Variants in OXTR observed in about 807,000 individuals in gnomAD.
The protein encoded by OXTR is oxytocin receptor.
Under a neutral mutation model 23.9 loss-of-function variants are expected in OXTR, and 19 were observed. That is an observed-to-expected ratio of 0.80 (90% confidence interval 0.56 to 1.17). OXTR has a LOEUF of 1.17. Ranked by LOEUF, OXTR falls within the 50% of genes most tolerant of loss-of-function variation. The pLI, the probability that OXTR is intolerant of heterozygous loss-of-function variation, is 0.00. For missense variants in OXTR, 500 were observed against 550.7 expected, an observed-to-expected ratio of 0.91 and a Z score of 0.92; for synonymous variants, 278 against 250.5, an observed-to-expected ratio of 1.11 and a Z score of -1.04.
At chr3:8,762,183 G>A (rs1041032019) in intron 3 of OXTR, among the ~76,000 whole-genome samples, 2 of 152,096 alleles carry the variant, frequency 1.3e-5, no homozygotes, top group African/African-American at 4.8e-5. Flanking sequence ...CTCCTGATCC[G>A]AGGCCCTCCA....
In OXTR at chr3:8,769,608, C is replaced by A. The variant is rs2125009810; in HGVS notation, c.-616G>T. 6.6e-6 allele frequency: 1 copy of A among 152,384 alleles called. No homozygotes were observed. 9.4% of individuals were successfully genotyped at this position (152,384 alleles called of 1,614,324 possible). On this transcript the variant is annotated 5_prime_UTR_variant, in exon 1 of 4. The change creates a new upstream start codon in the 5' untranslated region. Transcript: ENST00000316793. The stretch of plus-strand genomic sequence containing the variant: ...GTTCGCCCAGCGTTGGTCCCAGAGC[C>A]TTAACAAATGGGTTTATTTTGCAGT...
chr3:8,752,760 A>AG lies in OXTR; in HGVS notation c.*216dup. ...GCAGCAGTGGGTTCAGGGTGGTAGA[A>AG]GTACGTGTAGGAGGCCAGGGTGTTG... is the stretch of plus-strand genomic sequence containing the variant. On this transcript the variant is annotated 3_prime_UTR_variant, in exon 4 of 4. Transcript: ENST00000316793. 1 of 570,132 alleles carries AG rather than the reference A, an allele frequency of 1.8e-6. No homozygotes were observed. Among genetic ancestry groups the AG allele is most frequent in the African/African-American group, 1.9e-5 (1 of 53,576 alleles). 35.3% of individuals were successfully genotyped at this position (570,132 alleles called of 1,614,324 possible). A position where few individuals can be genotyped will look rare whatever the true frequency, so the allele number is the denominator to read the frequency against.
Position 8,759,891 on chromosome 3 carries a change from A to C in OXTR, c.923-6667T>G, listed in dbSNP as rs865787778. 7.2e-5 allele frequency among the ~76,000 whole-genome samples: 11 copies of C among 152,266 alleles called. No homozygotes were observed. In the Middle Eastern group the frequency reaches 0.01, roughly 141 times the overall value. ...CTGGGACACTGGACACCACCTGGTT[A>C]CACCTCTCTCCCACCCATACCTTAG... On this transcript the variant is annotated intron_variant, in intron 3 of 3. Coordinates refer to ENST00000316793, the MANE Select transcript of OXTR (RefSeq NM_000916.4).
intron 3 of OXTR, among the ~76,000 whole-genome samples, chr3:8,753,470 C>G (rs1708312706): frequency 6.6e-6 from 1 of 152,226 alleles, no homozygotes; most frequent in Non-Finnish European, 1.5e-5. Context: ...GGAACTGTCT[C>G]TGCCTTTCTC....
chr3:8,753,184 G>T lies in OXTR; in HGVS notation c.963C>A (p.Asn321Lys), dbSNP rs140488139. The change falls in exon 4 of 4, where the codon AAC (asparagine) becomes AAA (lysine). Residue 321 changes from asparagine (N) to lysine (K), a missense_variant. Asn to Lys is a moderately conservative substitution (Grantham distance 94). Coordinates refer to ENST00000316793, the MANE Select transcript of OXTR (RefSeq NM_000916.4). ...FIIVMLLASLNSCCNPWIYML... is the reference protein window; with the variant it reads ...FIIVMLLASLKSCCNPWIYML... Reference sequence around the variant, plus strand: ...TGTAGATCCAGGGGTTGCAGCAGCTGTTGAGGCTGGCCAGGAGCATGACGA... The same window carrying T: ...TGTAGATCCAGGGGTTGCAGCAGCTTTTGAGGCTGGCCAGGAGCATGACGA... 1.3e-5 allele frequency: 21 copies of T among 1,614,166 alleles called. No homozygotes were observed. The African/African-American group carries it at 2.0e-4, about 15-fold the overall frequency.
At chr3:8,758,929 T>C (rs1234257769) in intron 3 of OXTR, among the ~76,000 whole-genome samples, 1 of 152,154 alleles carries the variant, frequency 6.6e-6, no homozygotes, top group Non-Finnish European at 1.5e-5. Context: ...CAGTGAGTGT[T>C]GGTAAAAGGT....
chr3:8,754,103 A>G (rs974819216), intron 3 of OXTR, among the ~76,000 whole-genome samples: 21 of 152,224 alleles, frequency 1.4e-4, no homozygotes, highest in African/African-American at 5.1e-4. Flanking sequence ...CAGCATGACA[A>G]TAAGACTCAT....
chr3:8,757,607 G>A (rs557593255), intron 3 of OXTR, among the ~76,000 whole-genome samples: 8 of 152,230 alleles, frequency 5.3e-5, no homozygotes, highest in South Asian at 2.1e-4. Flanking sequence ...TAGGGTCTCC[G>A]CTGGAAGAGC....
intron 3 of OXTR, among the ~76,000 whole-genome samples, chr3:8,763,938 T>A (rs910188108): frequency 2.6e-5 from 4 of 152,234 alleles, no homozygotes; most frequent in Non-Finnish European, 5.9e-5. Context: ...TACTGCCTGC[T>A]TTATCCCAGT....
chr3:8,742,625 T>A, the OXTR span: 1 of 436,716 alleles, frequency 2.3e-6, no homozygotes, highest in African/African-American at 2.0e-5. Flanking sequence ...TTACCATCAC[T>A]GAGCAATATT....
downstream of OXTR, chr3:8,746,253 C>T (rs1215805338): frequency 5.3e-6 from 1 of 187,308 alleles, no homozygotes; most frequent in Non-Finnish European, 1.1e-5. Context: ...AGGAAGGTGG[C>T]TCCAGTAAAG....
downstream of OXTR, chr3:8,746,191 G>A (rs1708159936): frequency 3.8e-6 from 1 of 261,500 alleles, no homozygotes; most frequent in African/African-American, 2.2e-5. Context: ...TTCCCACCCG[G>A]GGCCAACCTC....
At chr3:8,760,891 C>T (rs1411617950) in intron 3 of OXTR, among the ~76,000 whole-genome samples, 1 of 134,454 alleles carries the variant, frequency 7.4e-6, no homozygotes, top group Non-Finnish European at 1.6e-5. Context: ...GTACTCACTG[C>T]CAGGTATTAG....
At position 8,750,921 on chromosome 3, in the gene OXTR, T is replaced by C. The variant is rs571864199; in HGVS notation, c.*2056A>G. 6.6e-6 allele frequency: 1 copy of C among 152,358 alleles called. No homozygotes were observed. The highest frequency in any genetic ancestry group is 2.1e-4 in the South Asian group (1 of 4,830). The allele number at this position is 152,358 out of a possible 1,614,324, so 9.4% of individuals were successfully genotyped here. A position where few individuals can be genotyped will look rare whatever the true frequency, so the allele number is the denominator to read the frequency against. On this transcript the variant is annotated 3_prime_UTR_variant, in exon 4 of 4. Transcript: ENST00000316793. ...CTAGGAGTGGCATTCCTGGGTCATATGGTCACTCTACGTTTAACTTTTTGA... is the reference window on the plus strand; with the variant it reads ...CTAGGAGTGGCATTCCTGGGTCATACGGTCACTCTACGTTTAACTTTTTGA...
chr3:8,763,736 A>T (rs945565038), intron 3 of OXTR, among the ~76,000 whole-genome samples: 2 of 152,166 alleles, frequency 1.3e-5, no homozygotes, highest in Admixed American at 1.3e-4. Context: ...TGAAGAATGG[A>T]TCTCATCAAA....
rs1195181570 is a variant in OXTR, at chr3:8,751,912, A to G, written c.*1065T>C. 6.6e-6 allele frequency: 1 copy of G among 152,162 alleles called. No homozygotes were observed. Among genetic ancestry groups the G allele is most frequent in the East Asian group, 1.9e-4 (1 of 5,182 alleles). The allele number at this position is 152,162 out of a possible 1,614,324, so 9.4% of individuals were successfully genotyped here. A position where few individuals can be genotyped will look rare whatever the true frequency, so the allele number is the denominator to read the frequency against. The stretch of plus-strand genomic sequence containing the variant: ...AATTTCTGTAAAGAAGCCAGCTATG[A>G]TTTTCATAAGGATTGCACTGAATCT... On this transcript the variant is annotated 3_prime_UTR_variant, in exon 4 of 4. Transcript: ENST00000316793.
intron 3 of OXTR, among the ~76,000 whole-genome samples, chr3:8,755,659 G>A (rs987751497): frequency 1.3e-5 from 2 of 152,160 alleles, no homozygotes; most frequent in Admixed American, 6.5e-5. Flanking sequence ...GACCTCAAGT[G>A]GGTCCTCAGG....
intron 3 of OXTR, among the ~76,000 whole-genome samples, chr3:8,755,500 T>TA (rs1441235851): frequency 6.6e-6 from 1 of 152,232 alleles, no homozygotes; most frequent in Non-Finnish European, 1.5e-5. Flanking sequence ...TCCTATTTTT[T>TA]AAAAAACTAC....
intron 3 of OXTR, among the ~76,000 whole-genome samples, chr3:8,759,233 T>A (rs1708438720): frequency 6.6e-6 from 1 of 152,216 alleles, no homozygotes; most frequent in East Asian, 1.9e-4. Context: ...TACTCACCCC[T>A]CAAAAACCCT....
Sources: gnomAD v4.1 joint callset for allele counts (sites outside exome capture counted in the v4.1 genomes callset) on GRCh38, gnomAD v4.1.1 for gene constraint, MANE v1.5 for transcripts, NCBI Gene and HGNC (gene_info 2026-07-23, HGNC 2026-07-21) for gene names.